The following TYW1B variants were observed in gnomAD, a reference collection of about 807,000 sequenced individuals.
The protein encoded by TYW1B is tRNA-yW synthesizing protein 1 homolog B, also known as S-adenosyl-L-methionine-dependent tRNA 4-demethylwyosine synthase TYW1B.
Under a neutral mutation model 86.9 loss-of-function variants are expected in TYW1B, and 73 were observed. The observed-to-expected ratio is 0.84, with a 90% CI of 0.70 to 1.02. The LOEUF (loss-of-function observed/expected upper bound fraction) is 1.02, where lower values mean the gene tolerates loss of function less well. Ranked by LOEUF, TYW1B falls within the 50% of genes least tolerant of loss-of-function variation. The probability of loss-of-function intolerance (pLI) is 0.00; values close to 1 mark genes in which losing one functional copy is unlikely to be tolerated. For missense variants in TYW1B, 637 were observed against 827.4 expected, an observed-to-expected ratio of 0.77 and a Z score of 2.82; for synonymous variants, 248 against 292.8, an observed-to-expected ratio of 0.85 and a Z score of 1.56.
At chr7:72,796,541 ATTTT>A (rs1162823242) in intron 6 of TYW1B, among the ~76,000 whole-genome samples, 2 of 149,010 alleles carry the variant, frequency 1.3e-5, no homozygotes, top group Non-Finnish European at 3.0e-5. Flanking sequence ...AGGCCAACTA[ATTTT>A]TTTTTTAATT....
chr7:72,822,455 T>C (rs1302655451), intron 2 of TYW1B, among the ~76,000 whole-genome samples: 4 of 152,070 alleles, frequency 2.6e-5, no homozygotes, highest in Admixed American at 1.3e-4. Flanking sequence ...CCATAAAATT[T>C]CCAGAAATCA....
At chr7:72,695,004 G>A (rs1814280569) in intron 10 of TYW1B, among the ~76,000 whole-genome samples, 182 bp from the exon 11 acceptor site, 1 of 152,118 alleles carries the variant, frequency 6.6e-6, no homozygotes, top group Non-Finnish European at 1.5e-5. Flanking sequence ...GCCTCTGGTT[G>A]TTTTTTAAAT....
At chr7:72,785,330 T>C (rs1277678656) in intron 6 of TYW1B, among the ~76,000 whole-genome samples, 1 of 147,878 alleles carries the variant, frequency 6.8e-6, no homozygotes, top group Admixed American at 6.8e-5. Flanking sequence ...TTAATATATA[T>C]TCTAATTCTA....
chr7:72,768,562 C>T (rs1363882186), intron 7 of TYW1B, among the ~76,000 whole-genome samples: 6 of 151,862 alleles, frequency 4.0e-5, no homozygotes, highest in African/African-American at 9.7e-5. Context: ...CCGAGGCGGG[C>T]GGATCACGAG....
chr7:72,815,321 G>A, intron 3 of TYW1B, 59 bp downstream of exon 3: 9 of 1,396,850 alleles, frequency 6.4e-6, no homozygotes, highest in Non-Finnish European at 8.8e-6. Flanking sequence ...AATTTACTGT[G>A]AAGATTGCAG....
intron 11 of TYW1B, among the ~76,000 whole-genome samples, chr7:72,647,902 T>G: frequency 6.6e-6 from 1 of 152,032 alleles, no homozygotes. Flanking sequence ...CCCAGGCTTG[T>G]CTCGAACTCC....
chr7:72,735,832 T>G (rs1326484897), intron 8 of TYW1B, among the ~76,000 whole-genome samples: 3 of 147,626 alleles, frequency 2.0e-5, no homozygotes, highest in Non-Finnish European at 4.5e-5. Context: ...ATCAGGCCAC[T>G]GCACTCCAGC....
intron 7 of TYW1B, among the ~76,000 whole-genome samples, chr7:72,762,549 C>A (rs1363677341): frequency 6.6e-6 from 1 of 152,170 alleles, no homozygotes; most frequent in African/African-American, 2.4e-5. Flanking sequence ...TAATTTGATT[C>A]TGTACTCTTG....
At chr7:72,788,892 G>A in intron 6 of TYW1B, among the ~76,000 whole-genome samples, 1 of 151,902 alleles carries the variant, frequency 6.6e-6, no homozygotes, top group East Asian at 1.9e-4. Flanking sequence ...GTGCAGTGCT[G>A]TGATCATAGC....
intron 7 of TYW1B, among the ~76,000 whole-genome samples, chr7:72,772,372 T>C (rs1169270536): frequency 6.6e-6 from 1 of 152,090 alleles, no homozygotes; most frequent in Non-Finnish European, 1.5e-5. Context: ...TGCTGGGCCA[T>C]AAAACAAAAG....
rs1266446694 is a variant in TYW1B at position 72,632,433 on chromosome 7, T to C, written c.1507-3436A>G. On this transcript the variant is annotated intron_variant, in intron 11 of 13. Coordinates refer to ENST00000620995, the MANE Select transcript of TYW1B (RefSeq NM_001145440.3). ...TATACATATATATATAAAATATATA[T>C]ATACGTATATATATAAAATATATAT... 3.0e-3 allele frequency among the ~76,000 whole-genome samples: 314 copies of C among 103,330 alleles called. 9 individuals carry two copies. The highest frequency in any genetic ancestry group is 0.013 in the Middle Eastern group (3 of 228). The allele number at this position is 103,330 out of a possible 152,430, so 67.8% of individuals were successfully genotyped here. A position where few individuals can be genotyped will look rare whatever the true frequency, so the allele number is the denominator to read the frequency against.
intron 13 of TYW1B, among the ~76,000 whole-genome samples, chr7:72,611,188 A>C (rs1222517309): frequency 4.6e-5 from 7 of 152,170 alleles, no homozygotes; most frequent in Admixed American, 4.6e-4. Context: ...GATGGGACCA[A>C]GTAGTCCTCA....
intron 10 of TYW1B, among the ~76,000 whole-genome samples, chr7:72,699,654 C>CTT (rs1294199708): frequency 4.1e-5 from 6 of 145,888 alleles, no homozygotes; most frequent in African/African-American, 1.5e-4. Context: ...TTTTTCTTTT[C>CTT]TTTTTTTTTT....
intron 13 of TYW1B, among the ~76,000 whole-genome samples, chr7:72,605,139 T>C (rs1337773517): frequency 1.3e-5 from 2 of 152,176 alleles, no homozygotes; most frequent in Admixed American, 6.6e-5. Context: ...GCATGTGGCA[T>C]AGAATATGAC....
intron 12 of TYW1B, among the ~76,000 whole-genome samples, chr7:72,617,466 A>C (rs1812105659): frequency 1.3e-5 from 2 of 152,148 alleles, no homozygotes; most frequent in South Asian, 4.1e-4. Context: ...TTCCTGGTTC[A>C]AGAGAGTCTC....
chr7:72,694,361 T>A (rs7781795), intron 11 of TYW1B, among the ~76,000 whole-genome samples: 150 of 152,302 alleles, frequency 9.8e-4, no homozygotes, highest in African/African-American at 3.5e-3. Flanking sequence ...TGGGTATCTA[T>A]GGGGAATTGG....
intron 2 of TYW1B, among the ~76,000 whole-genome samples, chr7:72,825,670 T>A (rs1788917538): frequency 6.6e-6 from 1 of 152,146 alleles, no homozygotes; most frequent in Admixed American, 6.6e-5. Context: ...AGAGTGAGAC[T>A]CTGTCTCAAA....
At chr7:72,637,898 T>A (rs1209957767) in intron 11 of TYW1B, among the ~76,000 whole-genome samples, 4 of 151,542 alleles carry the variant, frequency 2.6e-5, no homozygotes, top group Non-Finnish European at 5.9e-5. Context: ...TGAGGCTCCA[T>A]GGTTTGTGCT....
At chr7:72,636,861 T>C (rs1303040876) in intron 11 of TYW1B, among the ~76,000 whole-genome samples, 4 of 152,214 alleles carry the variant, frequency 2.6e-5, no homozygotes, top group Non-Finnish European at 4.4e-5. Flanking sequence ...TTTTGTCTTA[T>C]TCTTCTTAGA....
Sources: allele counts gnomAD v4.1 joint callset (sites outside exome capture counted in the v4.1 genomes callset), GRCh38; gene constraint gnomAD v4.1.1; transcripts MANE v1.5; gene names NCBI Gene and HGNC (gene_info 2026-07-23, HGNC 2026-07-21).